Variants in ARMC2 observed in about 807,000 individuals in gnomAD.
The protein encoded by ARMC2 is armadillo repeat-containing protein 2.
In ARMC2, 67 loss-of-function variants were observed where a neutral mutation model predicts 90.3. The observed-to-expected ratio is 0.74, with a 90% CI of 0.61 to 0.91. The LOEUF is 0.91. ARMC2 is among the 40% of genes least tolerant of loss of function. The pLI is 0.00. For synonymous variants in ARMC2, 393 were observed against 393.0 expected (o/e 1.00, Z 0.00); for missense variants, 920 against 1,030.9 (o/e 0.89, Z 1.47).
intron 3 of ARMC2, among the ~76,000 whole-genome samples, chr6:108,866,670 A>G (rs999006513): frequency 4.6e-5 from 7 of 152,210 alleles, no homozygotes; most frequent in African/African-American, 1.7e-4. Context: ...AATGGCCTGC[A>G]CAAGTTCACA....
intron 12 of ARMC2, among the ~76,000 whole-genome samples, chr6:108,952,706 A>G (rs75576199): frequency 0.015 from 2,281 of 152,328 alleles, 28 homozygotes; most frequent in South Asian, 0.065. Flanking sequence ...TACATGACTC[A>G]TTTTTAGTAA....
At chr6:108,993,267 C>A in the ARMC2 span, among the ~76,000 whole-genome samples, 1 of 152,090 alleles carries the variant, frequency 6.6e-6, no homozygotes, top group Admixed American at 6.5e-5. Flanking sequence ...CAAAATTTAG[C>A]ACTTAGATTA....
chr6:108,912,136 T>C (rs553308201), intron 9 of ARMC2, among the ~76,000 whole-genome samples, 199 bp from the exon 10 acceptor site: 1 of 152,322 alleles, frequency 6.6e-6, no homozygotes, highest in African/African-American at 2.4e-5. Flanking sequence ...ATCCTTCTGC[T>C]GAAATTACTA....
At chr6:108,902,500 A>G (rs1772249253) in intron 7 of ARMC2, among the ~76,000 whole-genome samples, 1 of 152,204 alleles carries the variant, frequency 6.6e-6, no homozygotes, top group Non-Finnish European at 1.5e-5. Flanking sequence ...AAAACAACAA[A>G]ACACAAGTGT....
intron 5 of ARMC2, among the ~76,000 whole-genome samples, chr6:108,893,168 T>C (rs972175057): frequency 2.6e-5 from 4 of 152,240 alleles, no homozygotes; most frequent in Non-Finnish European, 4.4e-5. Flanking sequence ...TTTAAAAACC[T>C]GAGCATGTAA....
downstream of ARMC2, among the ~76,000 whole-genome samples, chr6:108,975,358 G>C (rs1380444845): frequency 6.6e-6 from 1 of 151,774 alleles, no homozygotes; most frequent in Non-Finnish European, 1.5e-5. Context: ...TGGCTTCATA[G>C]TATTCCATGG....
At chr6:109,043,140 C>A in the ARMC2 span, among the ~76,000 whole-genome samples, 11 of 152,082 alleles carry the variant, frequency 7.2e-5, no homozygotes, top group African/African-American at 2.7e-4. Flanking sequence ...AAATTTAACA[C>A]TCATTTATGA....
chr6:109,045,602 C>A, the ARMC2 span, among the ~76,000 whole-genome samples: 1 of 152,216 alleles, frequency 6.6e-6, no homozygotes, highest in Non-Finnish European at 1.5e-5. Context: ...TTATCTCTCA[C>A]TTCTTCAACT....
At chr6:108,933,267 T>C (rs1029197685) in intron 11 of ARMC2, among the ~76,000 whole-genome samples, 1 of 152,166 alleles carries the variant, frequency 6.6e-6, no homozygotes, top group Non-Finnish European at 1.5e-5. Context: ...TAATTCTCAT[T>C]GTAGAGATCT....
chr6:108,894,450 T>G lies in ARMC2; in HGVS notation c.672-17T>G. The G allele has an allele frequency of 1.2e-6, 2 of 1,602,980 alleles. No homozygotes were observed. The highest frequency in any genetic ancestry group is 2.2e-5 in the South Asian group (2 of 89,860). On this transcript the variant is annotated splice_polypyrimidine_tract_variant and intron_variant, in intron 5 of 17. Transcript: ENST00000392644. ...TGTTTTCATGTTTGCGCTGAGTGTT[T>G]TATGTATTCCTCCTAGGGACCAGGG... is the stretch of plus-strand genomic sequence containing the variant.
At chr6:108,887,034 A>C (rs1770434231) in intron 5 of ARMC2, among the ~76,000 whole-genome samples, 1 of 151,596 alleles carries the variant, frequency 6.6e-6, no homozygotes, top group Admixed American at 6.6e-5. Context: ...CAACCTCCCG[A>C]GTAGCTGGGA....
At chr6:109,024,371 C>T in the ARMC2 span, among the ~76,000 whole-genome samples, 3 of 152,044 alleles carry the variant, frequency 2.0e-5, no homozygotes, top group Admixed American at 6.6e-5. Flanking sequence ...CAGAAAAATT[C>T]TATAAAGCAG....
In ARMC2 at chr6:108,973,644, A is replaced by T. The variant is rs187542199; in HGVS notation, c.*130A>T. 156 of 865,132 alleles carry T rather than the reference A, an allele frequency of 1.8e-4. No homozygotes were observed. In the East Asian group the frequency reaches 3.9e-3, roughly 21 times the overall value. 53.6% of individuals were successfully genotyped at this position (865,132 alleles called of 1,614,324 possible). A position where few individuals can be genotyped will look rare whatever the true frequency, so the allele number is the denominator to read the frequency against. On this transcript the variant is annotated 3_prime_UTR_variant, in exon 18 of 18. Coordinates refer to ENST00000392644, the MANE Select transcript of ARMC2 (RefSeq NM_032131.6). ...TTTTCAAGAACTGGTTTTAGTGAGT[A>T]GCTGAAGTATTTTTTAAAATTAAGC...
rs529204370 is a variant in ARMC2, at chr6:108,940,983, G to A, written c.1596+3984G>A. Among the ~76,000 whole-genome samples, 8 of 152,252 alleles carry A rather than the reference G, an allele frequency of 5.3e-5. No individual in the cohort carries two copies. In the South Asian group the frequency reaches 1.2e-3, roughly 24 times the overall value. The stretch of plus-strand genomic sequence containing the variant: ...TCTATAAACAAAAAATTAGCCGTGC[G>A]TGGTGGCACATGTCTGTAGTCCTAG... On this transcript the variant is annotated intron_variant, in intron 12 of 17. Transcript: ENST00000392644.
At chr6:108,927,858 C>G (rs1213708249) in intron 10 of ARMC2, among the ~76,000 whole-genome samples, 2 of 152,114 alleles carry the variant, frequency 1.3e-5, no homozygotes, top group African/African-American at 4.8e-5. Context: ...ATACCAATTG[C>G]TTACTAAGAT....
Position 108,964,968 on chromosome 6 carries a change from T to G in ARMC2, c.2286-12T>G. 6.4e-7 allele frequency: 1 copy of G among 1,574,556 alleles called. No individual in the cohort carries two copies. Among genetic ancestry groups the G allele is most frequent in the South Asian group, 1.1e-5 (1 of 88,564 alleles). ...ACCTAATAACTTCTCAATTTGAATTTTATTAACTCAGGTTAGTGGACTGTT... is the reference window on the plus strand; with the variant it reads ...ACCTAATAACTTCTCAATTTGAATTGTATTAACTCAGGTTAGTGGACTGTT... On this transcript the variant is annotated splice_polypyrimidine_tract_variant and intron_variant, in intron 16 of 17. Coordinates refer to ENST00000392644, the MANE Select transcript of ARMC2 (RefSeq NM_032131.6).
At chr6:108,895,845 G>A (rs1051680711) in intron 6 of ARMC2, among the ~76,000 whole-genome samples, 2 of 152,160 alleles carry the variant, frequency 1.3e-5, no homozygotes, top group Non-Finnish European at 2.9e-5. Flanking sequence ...AGGGAGAGGA[G>A]GAGGGGAATG....
At chr6:108,994,140 T>TAAAAAAAAAAA in the ARMC2 span, among the ~76,000 whole-genome samples, 10 of 100,226 alleles carry the variant, frequency 1.0e-4, no homozygotes, top group Non-Finnish European at 1.4e-4. Flanking sequence ...CCCTGTTTCT[T>TAAAAAAAAAAA]AAAAAAAAAA....
chr6:108,962,993 T>C (rs1395200844), intron 15 of ARMC2, among the ~76,000 whole-genome samples: 2 of 152,128 alleles, frequency 1.3e-5, no homozygotes, highest in African/African-American at 4.8e-5. Flanking sequence ...AGCGACACTC[T>C]ATCTCTAAAA....
Sources: gnomAD v4.1 joint callset for allele counts (sites outside exome capture counted in the v4.1 genomes callset) on GRCh38, gnomAD v4.1.1 for gene constraint, MANE v1.5 for transcripts, NCBI Gene and HGNC (gene_info 2026-07-23, HGNC 2026-07-21) for gene names.